UBR4: variants seen among roughly 807,000 people sequenced by gnomAD.
UBR4 encodes E3 ubiquitin-protein ligase UBR4.
A neutral mutation model predicts 575.6 loss-of-function variants in UBR4; 124 were observed. That is an observed-to-expected ratio of 0.22 (90% CI 0.19 to 0.25). The LOEUF (loss-of-function observed/expected upper bound fraction) is 0.25, where lower values mean the gene tolerates loss of function less well. Ranked by LOEUF, UBR4 falls within the 10% of genes least tolerant of loss-of-function variation. The pLI is 1.00. For missense variants in UBR4, 4,818 were observed against 6,478.8 expected, an observed-to-expected ratio of 0.74 and a Z score of 8.80; for synonymous variants, 2,455 against 2,473.7, an observed-to-expected ratio of 0.99 and a Z score of 0.22.
Position 19,170,708 on chromosome 1 carries a change from T to C in UBR4, c.3643+54A>G, listed in dbSNP as rs2089394257. On this transcript the variant is annotated intron_variant, in intron 26 of 105. Transcript: ENST00000375254. The stretch of plus-strand genomic sequence containing the variant: ...CACCAAGGGAGAGAAGCCATAGTAC[T>C]AGCAGTAGTAGCTGTTGTAATAATA... 6 of 1,612,656 alleles carry C rather than the reference T, an allele frequency of 3.7e-6. No homozygotes were observed. In the East Asian group the frequency reaches 1.1e-4, roughly 30 times the overall value.
chr1:19,074,937 T>TAC, intron 105 of UBR4, 41 bp from the exon 106 acceptor site: 1 of 1,606,374 alleles, frequency 6.2e-7, no homozygotes, highest in Non-Finnish European at 8.5e-7. Flanking sequence ...GGAGCAGGCA[T>TAC]ACAGCCCCCA....
At chr1:19,194,712 G>T (rs191072352) in intron 8 of UBR4, among the ~76,000 whole-genome samples, 1 of 152,256 alleles carries the variant, frequency 6.6e-6, no homozygotes, top group Non-Finnish European at 1.5e-5. Flanking sequence ...TGAAGCAGGA[G>T]AATCACTTGA....
chr1:19,146,166 T>C (rs1157033054), intron 52 of UBR4: 1 of 1,395,586 alleles, frequency 7.2e-7, no homozygotes, highest in Non-Finnish European at 9.6e-7. Context: ...CGGGGAGCAT[T>C]TAGGATGTTT....
rs537160261 is a variant in UBR4, at chr1:19,183,874, A to G, written c.2121T>C (p.Ala707=). The change falls in exon 17 of 106, where the codon GCT becomes GCC. Residue 707 remains alanine (A), a synonymous_variant. Coordinates refer to ENST00000375254, the MANE Select transcript of UBR4 (RefSeq NM_020765.3). ...AGTGGTTGAAGTGATAGAGAGCTGC[A>G]GCAAACTCTTCATCTGATGAACCTT... ...GLKGSSDEEF[A]AALYHFNHSL... The G allele has an allele frequency of 6.2e-7, 1 of 1,614,214 alleles. No individual in the cohort carries two copies. The highest frequency in any genetic ancestry group is 1.1e-5 in the South Asian group (1 of 91,086).
chr1:19,084,054 T>C (rs2076772290), intron 102 of UBR4, among the ~76,000 whole-genome samples: 1 of 152,244 alleles, frequency 6.6e-6, no homozygotes, highest in Non-Finnish European at 1.5e-5. Context: ...TCAGCTCTGC[T>C]GCATCCCCTT....
In UBR4 at chr1:19,164,312, T is replaced by G; in HGVS notation, c.4641A>C (p.Ala1547=). The part of the protein sequence containing the change: ...LMVVMATLAS[A]GQGAGHLQLH... The stretch of plus-strand genomic sequence containing the variant: ...GCTGAAGGTGACCAGCACCTTGACC[T>G]GCACTGGCCAGAGTGGCCATCACAA... The change falls in exon 33 of 106, where the codon GCA becomes GCC. Residue 1547 remains alanine, a synonymous_variant. Transcript: ENST00000375254. 1 of 1,614,232 alleles carries G rather than the reference T, an allele frequency of 6.2e-7. No individual in the cohort carries two copies. Among genetic ancestry groups the G allele is most frequent in the Non-Finnish European group, 8.5e-7 (1 of 1,180,042 alleles).
chr1:19,161,208 C>G (rs1383080942), intron 37 of UBR4, 61 bp from the exon 38 acceptor site: 2 of 1,489,060 alleles, frequency 1.3e-6, no homozygotes, highest in African/African-American at 2.8e-5. Context: ...GAAATACTGC[C>G]TGAGATCTCC....
intron 35 of UBR4, among the ~76,000 whole-genome samples, 194 bp from the exon 36 acceptor site, chr1:19,162,091 T>C (rs913438179): frequency 2.0e-5 from 3 of 152,022 alleles, no homozygotes; most frequent in Non-Finnish European, 4.4e-5. Flanking sequence ...ATCTTAGGGG[T>C]TTGTGGTTAA....
At chr1:19,176,896 G>A (rs1458938965) in intron 19 of UBR4, among the ~76,000 whole-genome samples, 169 bp from the exon 20 acceptor site, 3 of 152,128 alleles carry the variant, frequency 2.0e-5, no homozygotes, top group Non-Finnish European at 4.4e-5. Context: ...ACTCAGGTAC[G>A]ATAATAGCTT....
intron 101 of UBR4, among the ~76,000 whole-genome samples, chr1:19,085,057 C>G (rs796705532): frequency 4.6e-5 from 7 of 152,344 alleles, no homozygotes; most frequent in African/African-American, 1.7e-4. Flanking sequence ...ACAAAGTGAC[C>G]TGTCCATAAG....
chr1:19,123,030 G>C lies in UBR4; in HGVS notation c.9619C>G (p.Arg3207Gly). ...YLMIQQTPFV[R>G]RQVRKLLLFI... Reference sequence around the variant, plus strand: ...AGCAGAAGTTTGCGGACTTGACGGCGCACAAATGGAGTCTGCTGGATCATG... The same window carrying C: ...AGCAGAAGTTTGCGGACTTGACGGCCCACAAATGGAGTCTGCTGGATCATG... The change falls in exon 66 of 106, where the codon CGC (arginine) becomes GGC (glycine). Residue 3207 changes from arginine to glycine, a missense_variant. This residue lies in a region of UBR4 where 550 missense variants were observed against 791.5 expected (regional missense o/e 0.69). Coordinates refer to ENST00000375254, the MANE Select transcript of UBR4 (RefSeq NM_020765.3). 1 of 1,614,176 alleles carries C rather than the reference G, an allele frequency of 6.2e-7. No individual in the cohort carries two copies. Among genetic ancestry groups the C allele is most frequent in the Non-Finnish European group, 8.5e-7 (1 of 1,180,010 alleles).
chr1:19,101,328 A>T (rs1005617256), intron 88 of UBR4, among the ~76,000 whole-genome samples, 192 bp downstream of exon 88: 6 of 152,218 alleles, frequency 3.9e-5, no homozygotes, highest in Non-Finnish European at 2.9e-5. Context: ...AAGGTCATTA[A>T]ATGTCCCATC....
In UBR4 at chr1:19,143,251, GAAGGAAGGAAGAAAGA is replaced by G. The variant is rs1156571240; in HGVS notation, c.8179+713_8179+728del. 5.8e-3 allele frequency among the ~76,000 whole-genome samples: 570 copies of G among 97,626 alleles called. 3 individuals carry two copies. The highest frequency in any genetic ancestry group is 0.01 in the African/African-American group (283 of 27,288). The allele number at this position is 97,626 out of a possible 152,430, so 64.0% of individuals were successfully genotyped here. On this transcript the variant is annotated intron_variant, in intron 55 of 105. Transcript: ENST00000375254. ...GGAAGGAAGGCAGGAAGGAAGGAAGGAAGGAAGGAAGAAAGAAAGAAAGAAAGAAAGAAAGAAAGAA... is the reference window on the plus strand; with the variant it reads ...GGAAGGAAGGCAGGAAGGAAGGAAGGAAGAAAGAAAGAAAGAAAGAAAGAA...
Position 19,170,848 on chromosome 1 carries a change from G to A in UBR4, c.3557C>T (p.Thr1186Ile), listed in dbSNP as rs1037718388. ...TTTCTCCTTGGAAGGTTTCTCAGTT[G>A]TTCCCTCTTCATTAAAGTTTTGCAG... ...YLLQNFNEEG[T>I]TEKPSKEKLQ... The change falls in exon 26 of 106, where the codon ACA becomes ATA. Residue 1186 changes from threonine (T) to isoleucine (I), a missense_variant. This residue lies in a region of UBR4 where 1,172 missense variants were observed against 1,259.7 expected (regional missense o/e 0.93). Coordinates refer to ENST00000375254, the MANE Select transcript of UBR4 (RefSeq NM_020765.3). The A allele has an allele frequency of 1.2e-6, 2 of 1,614,156 alleles. No homozygotes were observed. Among genetic ancestry groups the A allele is most frequent in the East Asian group, 2.2e-5 (1 of 44,874 alleles).
intron 17 of UBR4, among the ~76,000 whole-genome samples, chr1:19,182,261 G>A (rs778265091): frequency 9.2e-5 from 14 of 152,160 alleles, no homozygotes; most frequent in Non-Finnish European, 1.5e-4. Flanking sequence ...CTATGAACAT[G>A]GGTGGATAAA....
Position 19,081,365 on chromosome 1 carries a change from G to A in UBR4, c.15217C>T (p.Pro5073Ser). Residue 5073 changes from proline (P) to serine (S), a missense_variant, in exon 103 of 106, where the codon CCA becomes TCA. Around this residue, in one of 29 missense-constraint regions of UBR4, gnomAD observed 212 missense variants for 221.3 expected, o/e 0.96. Coordinates refer to ENST00000375254, the MANE Select transcript of UBR4 (RefSeq NM_020765.3). ...GGTACTGACCTGGTGGCTCCACCTG[G>A]AGCCACTGCCCGAGCCTGCGAGGTC... is the stretch of plus-strand genomic sequence containing the variant. ...LVTSQARAVA[P>S]GGATRLTDKA... 6.2e-7 allele frequency: 1 copy of A among 1,603,890 alleles called. No individual in the cohort carries two copies. The highest frequency in any genetic ancestry group is 2.2e-5 in the East Asian group (1 of 44,710).
In UBR4 at chr1:19,160,567, G is replaced by A. The variant is rs190316882; in HGVS notation, c.5407-286C>T. On this transcript the variant is annotated intron_variant, in intron 38 of 105. Coordinates refer to ENST00000375254, the MANE Select transcript of UBR4 (RefSeq NM_020765.3). The stretch of plus-strand genomic sequence containing the variant: ...TGAAATGAGCTAACTTCTCTCTTAC[G>A]TTTCTAGAATGGTTTGGGTTTTGTA... Among the ~76,000 whole-genome samples, 33 of 152,206 alleles carry A rather than the reference G, an allele frequency of 2.2e-4. No homozygotes were observed. The East Asian group carries it at 6.0e-3, about 28-fold the overall frequency.
Position 19,172,845 on chromosome 1 carries a change from G to C in UBR4, c.3521+19C>G. 1 of 1,611,270 alleles carries C rather than the reference G, an allele frequency of 6.2e-7. No individual in the cohort carries two copies. On this transcript the variant is annotated intron_variant, in intron 25 of 105. Coordinates refer to ENST00000375254, the MANE Select transcript of UBR4 (RefSeq NM_020765.3). ...AGTGAAGAGTGCATGTGCATCTCTG[G>C]GCAGGCAGTTCGCCACACCTGGTGA...
In UBR4 at chr1:19,165,011, A is replaced by T; in HGVS notation, c.4313-14T>A. ...GGCTCTTCTCAGCTAGGAGCAGAAC[A>T]AGAGGCCAGGGTCAGTAAAGAAGGG... On this transcript the variant is annotated splice_polypyrimidine_tract_variant and intron_variant, in intron 31 of 105. Coordinates refer to ENST00000375254, the MANE Select transcript of UBR4 (RefSeq NM_020765.3). The T allele has an allele frequency of 6.2e-7, 1 of 1,613,832 alleles. No individual in the cohort carries two copies. Among genetic ancestry groups the T allele is most frequent in the Non-Finnish European group, 8.5e-7 (1 of 1,179,842 alleles).
Sources: gnomAD v4.1 joint callset for allele counts (sites outside exome capture counted in the v4.1 genomes callset) on GRCh38, gnomAD v4.1.1 for gene constraint, gnomAD v4.1.1 regional missense constraint, MANE v1.5 for transcripts, NCBI Gene and HGNC (gene_info 2026-07-23, HGNC 2026-07-21) for gene names.